Variants in ZFYVE28 observed in about 807,000 individuals in gnomAD.
The protein encoded by ZFYVE28 is lateral signaling target protein 2 homolog.
Under a neutral mutation model 82.1 loss-of-function variants are expected in ZFYVE28, and 40 were observed. The observed-to-expected ratio is 0.49, with a 90% CI of 0.38 to 0.63. The LOEUF is 0.63. Among genes scored for constraint, ZFYVE28 ranks in the 30% least tolerant of loss-of-function variants. ZFYVE28 has a pLI of 0.00. For missense variants in ZFYVE28, 1,321 were observed against 1,242.1 expected (o/e 1.06, Z -0.96); for synonymous variants, 612 against 546.1 (o/e 1.12, Z -1.68).
chr4:2,288,452 G>C (rs1208766420), intron 8 of ZFYVE28, among the ~76,000 whole-genome samples: 2 of 152,360 alleles, frequency 1.3e-5, no homozygotes, highest in African/African-American at 4.8e-5. Flanking sequence ...CAGTGGAGCA[G>C]CAGCGCCTGC....
intron 1 of ZFYVE28, among the ~76,000 whole-genome samples, chr4:2,413,006 C>T (rs1287825311): frequency 2.0e-5 from 3 of 152,174 alleles, no homozygotes; most frequent in Non-Finnish European, 2.9e-5. Context: ...CCATACCAGA[C>T]GTTTCCAGTA....
At chr4:2,388,603 G>T (rs546398815) in intron 1 of ZFYVE28, among the ~76,000 whole-genome samples, 1 of 152,290 alleles carries the variant, frequency 6.6e-6, no homozygotes, top group East Asian at 1.9e-4. Flanking sequence ...GGCTTTCAGA[G>T]GAAGGAACAT....
At chr4:2,301,532 C>G (rs1715522071) in intron 8 of ZFYVE28, among the ~76,000 whole-genome samples, 1 of 152,098 alleles carries the variant, frequency 6.6e-6, no homozygotes, top group Non-Finnish European at 1.5e-5. Context: ...CTGTGCTGAG[C>G]TGCATAAGGC....
intron 7 of ZFYVE28, among the ~76,000 whole-genome samples, chr4:2,308,688 A>AAAG (rs1560182579): frequency 1.1e-3 from 143 of 128,066 alleles, no homozygotes; most frequent in African/African-American, 4.2e-3. Flanking sequence ...AGAAAGAAAG[A>AAAG]AAAGAAAAGA....
intron 8 of ZFYVE28, among the ~76,000 whole-genome samples, chr4:2,279,222 A>G (rs1345066815): frequency 6.6e-6 from 1 of 152,206 alleles, no homozygotes; most frequent in Admixed American, 6.5e-5. Context: ...ACTTGACATC[A>G]GGAGCTCGAG....
At chr4:2,316,098 G>A (rs190309986) in intron 7 of ZFYVE28, 3 of 152,270 alleles carry the variant, frequency 2.0e-5, no homozygotes, top group East Asian at 1.9e-4. Flanking sequence ...CATCTACTGC[G>A]TCCTTATTGT....
At chr4:2,351,922 T>C (rs1329363207) in intron 2 of ZFYVE28, among the ~76,000 whole-genome samples, 1 of 152,198 alleles carries the variant, frequency 6.6e-6, no homozygotes, top group East Asian at 1.9e-4. Flanking sequence ...GTAATAGCAA[T>C]ACCACTTATA....
intron 7 of ZFYVE28, among the ~76,000 whole-genome samples, chr4:2,311,030 C>T (rs1717400449): frequency 6.6e-6 from 1 of 151,836 alleles, no homozygotes; most frequent in South Asian, 2.1e-4. Context: ...TGATTAATTG[C>T]TTTTTTGAGG....
chr4:2,340,882 A>C (rs1722682052), intron 3 of ZFYVE28, among the ~76,000 whole-genome samples: 1 of 152,016 alleles, frequency 6.6e-6, no homozygotes, highest in Non-Finnish European at 1.5e-5. Flanking sequence ...GGCGGGCAGG[A>C]TGGGGACGGC....
chr4:2,337,506 C>T lies in ZFYVE28; in HGVS notation c.522-10G>A. 1 of 1,596,724 alleles carries T rather than the reference C, an allele frequency of 6.3e-7. No individual in the cohort carries two copies. Among genetic ancestry groups the T allele is most frequent in the Non-Finnish European group, 8.5e-7 (1 of 1,170,634 alleles). The stretch of plus-strand genomic sequence containing the variant: ...CATGGCCGAGACGTAGCTGCAAACA[C>T]ATGGAGACCTGTGAGGCCGCACCTG... On this transcript the variant is annotated splice_polypyrimidine_tract_variant and intron_variant, in intron 4 of 12. Transcript: ENST00000290974.
intron 8 of ZFYVE28, among the ~76,000 whole-genome samples, chr4:2,303,069 G>C (rs1715840232): frequency 6.6e-6 from 1 of 152,234 alleles, no homozygotes; most frequent in Non-Finnish European, 1.5e-5. Flanking sequence ...AAGTGACTGA[G>C]GCTCCCAGGG....
chr4:2,337,385 C>T, intron 5 of ZFYVE28, 22 bp downstream of exon 5: 1 of 1,581,098 alleles, frequency 6.3e-7, no homozygotes, highest in Admixed American at 1.8e-5. Flanking sequence ...TGCCCCCAGC[C>T]CCTAAGCATC....
Position 2,417,810 on chromosome 4 carries a change from A to G in ZFYVE28, c.39+475T>C, listed in dbSNP as rs1319900157. 4.8e-5 allele frequency among the ~76,000 whole-genome samples: 7 copies of G among 146,932 alleles called. No individual in the cohort carries two copies. Among genetic ancestry groups the G allele is most frequent in the Non-Finnish European group, 6.0e-5 (4 of 66,876 alleles). On this transcript the variant is annotated intron_variant, in intron 1 of 12. Coordinates refer to ENST00000290974, the MANE Select transcript of ZFYVE28 (RefSeq NM_020972.3). The surrounding 1 kb of genome is among the most constrained non-coding windows in gnomAD (Gnocchi z 4.8). The stretch of plus-strand genomic sequence containing the variant: ...GGAGAGGGTCTGTTCTGGAGTGCGG[A>G]GGGAGATCTATTCCGGGCCCAGGAC...
At chr4:2,366,619 C>A (rs1185409829) in intron 1 of ZFYVE28, among the ~76,000 whole-genome samples, 6 of 152,240 alleles carry the variant, frequency 3.9e-5, no homozygotes, top group Non-Finnish European at 8.8e-5. Flanking sequence ...CCAGAGAAAA[C>A]CCTCCAATGG....
intron 8 of ZFYVE28, among the ~76,000 whole-genome samples, chr4:2,298,778 G>A (rs1306024821): frequency 2.6e-5 from 4 of 152,172 alleles, no homozygotes; most frequent in East Asian, 1.9e-4. Context: ...CTAAGCCAGC[G>A]CCCGGGCAGC....
Position 2,416,196 on chromosome 4 carries a change from C to T in ZFYVE28, c.39+2089G>A, listed in dbSNP as rs1733018308. On this transcript the variant is annotated intron_variant, in intron 1 of 12. Coordinates refer to ENST00000290974, the MANE Select transcript of ZFYVE28 (RefSeq NM_020972.3). The surrounding 1 kb of genome is among the most constrained non-coding windows in gnomAD (Gnocchi z 4.6). ...ACGCAATTCCTAATTCTCAGGACAACGTCTAGTACCATGTTCTACCTTTAA... is the reference window on the plus strand; with the variant it reads ...ACGCAATTCCTAATTCTCAGGACAATGTCTAGTACCATGTTCTACCTTTAA... 6.6e-6 allele frequency among the ~76,000 whole-genome samples: 1 copy of T among 152,232 alleles called. No homozygotes were observed. The highest frequency in any genetic ancestry group is 2.4e-5 in the African/African-American group (1 of 41,464).
intron 8 of ZFYVE28, among the ~76,000 whole-genome samples, chr4:2,301,635 C>A (rs572513450): frequency 2.0e-3 from 276 of 135,004 alleles, no homozygotes; most frequent in Non-Finnish European, 3.8e-3. Flanking sequence ...AGGGGGTGGG[C>A]GTCCACTGGC....
intron 4 of ZFYVE28, among the ~76,000 whole-genome samples, chr4:2,338,200 G>A (rs1722162530): frequency 1.3e-5 from 2 of 152,254 alleles, no homozygotes; most frequent in African/African-American, 4.8e-5. Context: ...GCCCAGGCTG[G>A]GCACAGCGGC....
intron 1 of ZFYVE28, among the ~76,000 whole-genome samples, chr4:2,387,268 C>A (rs866331585): frequency 6.6e-6 from 1 of 152,246 alleles, no homozygotes; most frequent in Non-Finnish European, 1.5e-5. Flanking sequence ...CCCTACCCAT[C>A]CCCTCAGCCA....
Sources: allele counts gnomAD v4.1 joint callset (sites outside exome capture counted in the v4.1 genomes callset), GRCh38; gene constraint gnomAD v4.1.1; non-coding constraint Gnocchi (gnomAD v3.1); transcripts MANE v1.5; gene names NCBI Gene and HGNC (gene_info 2026-07-23, HGNC 2026-07-21).